GFRA2: variants seen among roughly 807,000 people sequenced by gnomAD.
The protein encoded by GFRA2 is GDNF family receptor alpha 2.
In GFRA2, 17 loss-of-function variants were observed where a neutral mutation model predicts 48.3. The observed-to-expected ratio is 0.35, with a 90% confidence interval of 0.24 to 0.53. The LOEUF (loss-of-function observed/expected upper bound fraction) is 0.53. GFRA2 is among the 20% of genes least tolerant of loss of function. GFRA2 has a pLI of 0.93. For synonymous variants in GFRA2, 305 were observed against 257.2 expected, an observed-to-expected ratio of 1.19 and a Z score of -1.78; for missense variants, 660 against 637.3, an observed-to-expected ratio of 1.04 and a Z score of -0.38.
intron 4 of GFRA2, among the ~76,000 whole-genome samples, chr8:21,707,632 C>T (rs889359989): frequency 1.3e-5 from 2 of 152,202 alleles, no homozygotes; most frequent in African/African-American, 4.8e-5. Flanking sequence ...CTCAGCTCTG[C>T]CCTAACTCAC....
At position 21,691,067 on chromosome 8, in the gene GFRA2, T is replaced by C. The variant is rs1801866784; in HGVS notation, c.*2211A>G. The C allele has an allele frequency of 6.6e-6, 1 of 152,038 alleles. No homozygotes were observed. The highest frequency in any genetic ancestry group is 1.5e-5 in the Non-Finnish European group (1 of 68,008). 9.4% of individuals were successfully genotyped at this position (152,038 alleles called of 1,614,324 possible). A position where few individuals can be genotyped will look rare whatever the true frequency, so the allele number is the denominator to read the frequency against. On this transcript the variant is annotated 3_prime_UTR_variant, in exon 9 of 9. Transcript: ENST00000524240. ...GCTGTGAACGGATGCTGCTCACACATATACAACCAGAAGCAAAAGCCATTG... is the reference window on the plus strand; with the variant it reads ...GCTGTGAACGGATGCTGCTCACACACATACAACCAGAAGCAAAAGCCATTG...
rs1801904452 is a variant in GFRA2, at chr8:21,692,118, G to A, written c.*1160C>T. The A allele has an allele frequency of 1.3e-5, 2 of 152,402 alleles. No individual in the cohort carries two copies. The highest frequency in any genetic ancestry group is 4.8e-5 in the African/African-American group (2 of 41,378). 9.4% of individuals were successfully genotyped at this position (152,402 alleles called of 1,614,324 possible). A position where few individuals can be genotyped will look rare whatever the true frequency, so the allele number is the denominator to read the frequency against. On this transcript the variant is annotated 3_prime_UTR_variant, in exon 9 of 9. Coordinates refer to ENST00000524240, the MANE Select transcript of GFRA2 (RefSeq NM_001495.5). Reference sequence around the variant, plus strand: ...GGCTGACTGGGGCAGGGCACTGCGGGGCCAATGTCCTTTTTCCCCATTATA... The same window carrying A: ...GGCTGACTGGGGCAGGGCACTGCGGAGCCAATGTCCTTTTTCCCCATTATA...
intron 4 of GFRA2, among the ~76,000 whole-genome samples, chr8:21,737,403 A>C (rs1330175933): frequency 6.6e-6 from 1 of 151,290 alleles, no homozygotes; most frequent in Non-Finnish European, 1.5e-5. Flanking sequence ...GATTTAGTGT[A>C]ACTCCTAATC....
At chr8:21,712,722 G>A (rs1446166309) in intron 4 of GFRA2, among the ~76,000 whole-genome samples, 2 of 152,230 alleles carry the variant, frequency 1.3e-5, no homozygotes, top group Non-Finnish European at 1.5e-5. Context: ...GCACCATTGA[G>A]CACTGAGTGA....
intron 2 of GFRA2, among the ~76,000 whole-genome samples, chr8:21,776,978 AAAT>A (rs1325770701): frequency 2.6e-5 from 4 of 152,192 alleles, no homozygotes; most frequent in African/African-American, 4.8e-5. Flanking sequence ...TTTACAATAA[AAAT>A]AATGTTAGAC....
intron 7 of GFRA2, among the ~76,000 whole-genome samples, 167 bp downstream of exon 7, chr8:21,702,638 T>C (rs922167492): frequency 3.1e-4 from 47 of 152,194 alleles, no homozygotes; most frequent in Non-Finnish European, 6.8e-4. Flanking sequence ...GCAAGATGAA[T>C]GCCCAAATAA....
chr8:21,717,393 G>A (rs1044064001), intron 4 of GFRA2, among the ~76,000 whole-genome samples: 6 of 152,170 alleles, frequency 3.9e-5, no homozygotes, highest in African/African-American at 1.4e-4. Context: ...TAAAAAGCAG[G>A]AGACAATAGA....
chr8:21,697,044 A>ACACAGGAGAGGAGGG (rs1563211670), intron 7 of GFRA2, among the ~76,000 whole-genome samples: 1 of 8,216 alleles, frequency 1.2e-4, no homozygotes, highest in Non-Finnish European at 2.4e-4. Flanking sequence ...AGAGGGGAGG[A>ACACAGGAGAGGAGGG]GACAGAGGAG....
chr8:21,694,077 T>TTTATATATATATATATATATA (rs1802032776), intron 8 of GFRA2, among the ~76,000 whole-genome samples: 7 of 109,292 alleles, frequency 6.4e-5, no homozygotes, highest in South Asian at 3.0e-4. Context: ...TTATTTATTT[T>TTTATATATATATATATATATA]TATATATATA....
intron 3 of GFRA2, among the ~76,000 whole-genome samples, chr8:21,761,376 A>C (rs2117646878): frequency 6.6e-6 from 1 of 152,382 alleles, no homozygotes; most frequent in Non-Finnish European, 1.5e-5. Context: ...AAACAGATGG[A>C]AACTTTCCCC....
At chr8:21,776,373 G>A (rs1358224890) in intron 2 of GFRA2, among the ~76,000 whole-genome samples, 3 of 151,488 alleles carry the variant, frequency 2.0e-5, no homozygotes, top group Non-Finnish European at 4.4e-5. Flanking sequence ...CACCTTTCAC[G>A]TCACCTCCTA....
rs951350393 is a variant in GFRA2 at position 21,771,065 on chromosome 8, C to A, written c.439+3907G>T. On this transcript the variant is annotated intron_variant, in intron 3 of 8. Transcript: ENST00000524240. ...CAGGCAGACAGAGGATGACCCACTG[C>A]GCCAAGGCTGGCTCAGTCCCTGATG... Among the ~76,000 whole-genome samples, 12 of 152,318 alleles carry A rather than the reference C, an allele frequency of 7.9e-5. No homozygotes were observed. The South Asian group carries it at 2.5e-3, about 32-fold the overall frequency.
At chr8:21,708,127 G>A (rs903419871) in intron 4 of GFRA2, among the ~76,000 whole-genome samples, 4 of 152,208 alleles carry the variant, frequency 2.6e-5, no homozygotes, top group Admixed American at 6.5e-5. Flanking sequence ...AGGGCCTGGA[G>A]CCCTTGAAGG....
intron 3 of GFRA2, among the ~76,000 whole-genome samples, chr8:21,768,841 C>G (rs2117681814): frequency 6.6e-6 from 1 of 152,264 alleles, no homozygotes; most frequent in South Asian, 2.1e-4. Flanking sequence ...CCCAGAGAGG[C>G]CACTGTCCTG....
intron 2 of GFRA2, among the ~76,000 whole-genome samples, chr8:21,801,736 A>T (rs1229953931): frequency 6.6e-6 from 1 of 152,068 alleles, no homozygotes; most frequent in Non-Finnish European, 1.5e-5. Context: ...CTGACAACTC[A>T]CTAAAACAAA....
chr8:21,783,499 C>T (rs750406513), intron 1 of GFRA2, among the ~76,000 whole-genome samples: 4 of 152,142 alleles, frequency 2.6e-5, no homozygotes, highest in African/African-American at 7.2e-5. Context: ...TCACACATAG[C>T]GGTGGAAACA....
At chr8:21,768,029 G>A (rs901954056) in intron 3 of GFRA2, among the ~76,000 whole-genome samples, 29 of 152,346 alleles carry the variant, frequency 1.9e-4, no homozygotes, top group African/African-American at 5.5e-4. Flanking sequence ...CGCCACCTGC[G>A]GAGAGGGAAG....
At chr8:21,713,656 C>T (rs1308490105) in intron 4 of GFRA2, among the ~76,000 whole-genome samples, 1 of 152,054 alleles carries the variant, frequency 6.6e-6, no homozygotes, top group East Asian at 1.9e-4. Flanking sequence ...GTCCGCAGAC[C>T]AAAAGCATCA....
At chr8:21,769,261 C>CCAGCA in intron 3 of GFRA2, 1 of 601,290 alleles carries the variant, frequency 1.7e-6, no homozygotes, top group Non-Finnish European at 2.1e-6. Context: ...CAGCCCCGCC[C>CCAGCA]CTGCCCTGCC....
Sources: gnomAD v4.1 joint callset for allele counts (sites outside exome capture counted in the v4.1 genomes callset) on GRCh38, gnomAD v4.1.1 for gene constraint, MANE v1.5 for transcripts, NCBI Gene and HGNC (gene_info 2026-07-23, HGNC 2026-07-21) for gene names.